The following PPAN variants were observed in gnomAD, a reference collection of about 807,000 sequenced individuals.
PPAN encodes the protein suppressor of SWI4 1 homolog.
PPAN carries 39 observed loss-of-function variants against 48.5 expected under a neutral mutation model. The ratio of observed to expected loss-of-function variants is 0.80; its 90% CI spans 0.62 to 1.05. The LOEUF (loss-of-function observed/expected upper bound fraction) is 1.05, where lower values mean the gene tolerates loss of function less well. Among genes scored for constraint, PPAN ranks in the 50% least tolerant of loss-of-function variants. PPAN has a pLI of 0.00. For missense variants in PPAN, 736 were observed against 661.7 expected, an observed-to-expected ratio of 1.11 and a Z score of -1.23; for synonymous variants, 315 against 268.6, an observed-to-expected ratio of 1.17 and a Z score of -1.69.
In PPAN at chr19:10,110,646, G is replaced by GT; in HGVS notation, c.1031+32_1031+33insT. On this transcript the variant is annotated intron_variant, in intron 10 of 11. Transcript: ENST00000253107. This position sits in a 1 kb window ranked among gnomAD's most constrained non-coding sequence, Gnocchi z 5.9. Reference sequence around the variant, plus strand: ...GCAGAGCTGGGAAGGGCAGGGCCAAGGGGGGGTCCCTGGGATGGGCGGCTA... The same window carrying GT: ...GCAGAGCTGGGAAGGGCAGGGCCAAGTGGGGGGTCCCTGGGATGGGCGGCTA... 6.2e-7 allele frequency: 1 copy of GT among 1,609,912 alleles called. No homozygotes were observed. The highest frequency in any genetic ancestry group is 8.5e-7 in the Non-Finnish European group (1 of 1,178,346).
Position 10,110,326 on chromosome 19 carries a change from C to A in PPAN, c.825C>A (p.Ile275=), listed in dbSNP as rs760050931. ...AQQSAVRLTE[I]GPRMTLQLIK... is the part of the protein sequence containing the mutation. The stretch of plus-strand genomic sequence containing the variant: ...ACGCTTCTTCCTCGTCCCCTCAGAT[C>A]GGCCCGCGGATGACACTGCAGCTCA... Residue 275 remains isoleucine, a splice_region_variant and synonymous_variant, in exon 9 of 12, where the codon ATC becomes ATA. Coordinates refer to ENST00000253107, the MANE Select transcript of PPAN (RefSeq NM_020230.7). This position sits in a 1 kb window ranked among gnomAD's most constrained non-coding sequence, Gnocchi z 5.9. The A allele has an allele frequency of 6.2e-7, 1 of 1,613,706 alleles. No homozygotes were observed. The highest frequency in any genetic ancestry group is 2.2e-5 in the East Asian group (1 of 44,868).
chr19:10,109,138 A>G (rs1215093552), intron 5 of PPAN, among the ~76,000 whole-genome samples: 1 of 151,248 alleles, frequency 6.6e-6, no homozygotes, highest in Non-Finnish European at 1.5e-5. Context: ...AATTTTTTGT[A>G]TTTTTAGTAG....
In PPAN at chr19:10,109,611, C is replaced by T. The variant is rs1467554244; in HGVS notation, c.514-20C>T. The T allele has an allele frequency of 6.2e-7, 1 of 1,608,798 alleles. No individual in the cohort carries two copies. On this transcript the variant is annotated intron_variant, in intron 5 of 11. Coordinates refer to ENST00000253107, the MANE Select transcript of PPAN (RefSeq NM_020230.7). Reference sequence around the variant, plus strand: ...TTTGCCATGAGTCTACTGGACTATGCTCTCTTCCTCCCCTTCCAGGTGAAC... The same window carrying T: ...TTTGCCATGAGTCTACTGGACTATGTTCTCTTCCTCCCCTTCCAGGTGAAC...
chr19:10,106,706 C>T (rs2088839649), intron 2 of PPAN, 35 bp downstream of exon 2: 3 of 1,503,610 alleles, frequency 2.0e-6, no homozygotes, highest in African/African-American at 1.4e-5. Context: ...CTCCACCCAC[C>T]CTCGGCCTAG....
At chr19:10,107,642 C>T (rs181000109) in intron 3 of PPAN, 36 bp downstream of exon 3, 5 of 1,605,382 alleles carry the variant, frequency 3.1e-6, no homozygotes, top group Admixed American at 1.7e-5. Context: ...CTCCCCCAGA[C>T]CCCCCCTTCC....
intron 5 of PPAN, among the ~76,000 whole-genome samples, chr19:10,109,004 C>T (rs2088944273): frequency 6.6e-6 from 1 of 150,990 alleles, no homozygotes; most frequent in South Asian, 2.1e-4. Flanking sequence ...CTCTGTCTCC[C>T]AGGCTGGAGT....
rs752957052 is a variant in PPAN, at chr19:10,110,703, G to A, written c.1038G>A (p.Lys346=). 2.5e-6 allele frequency: 4 copies of A among 1,613,562 alleles called. No homozygotes were observed. Among genetic ancestry groups the A allele is most frequent in the Middle Eastern group, 1.7e-4 (1 of 6,060 alleles). ...CCCCCACGCCCTCCTCCAGAAAGAA[G>A]AGCCTGGAGGGCATGAAGAAGGCAC... ...KQEQREAHRK[K]SLEGMKKARV... is the part of the protein sequence containing the mutation. The change falls in exon 11 of 12, where the codon AAG becomes AAA. Residue 346 remains lysine, a synonymous_variant. Transcript: ENST00000253107. The surrounding 1 kb of genome is among the most constrained non-coding windows in gnomAD (Gnocchi z 5.9).
rs1272064711 is a variant in PPAN, at chr19:10,111,144, C to A, written c.1401C>A (p.Arg467=). Residue 467 remains arginine, a synonymous_variant, in exon 12 of 12, where the codon CGC becomes CGA. Transcript: ENST00000253107. Reference sequence around the variant, plus strand: ...GTGGGCGAGGCCGGGGCCGGGGCCGCCCAGGGAAGAGAGTGGCCTGAGCCC... The same window carrying A: ...GTGGGCGAGGCCGGGGCCGGGGCCGACCAGGGAAGAGAGTGGCCTGAGCCC... ...RDGGRGRGRG[R]PGKRVA 1.3e-6 allele frequency: 2 copies of A among 1,599,400 alleles called. No homozygotes were observed. The highest frequency in any genetic ancestry group is 8.5e-7 in the Non-Finnish European group (1 of 1,174,380).
Position 10,106,504 on chromosome 19 carries a change from C to T in PPAN, c.22C>T (p.Arg8Trp), listed in dbSNP as rs1175651553. 2 of 1,550,996 alleles carry T rather than the reference C, an allele frequency of 1.3e-6. No homozygotes were observed. The highest frequency in any genetic ancestry group is 1.7e-6 in the Non-Finnish European group (2 of 1,147,082). MGQSGRS[R>W]HQKRARAQAQ... is the part of the protein sequence containing the mutation. ...CCTTTGTCTCTCGTCGCCGCAGTCC[C>T]GGCACCAGAAGCGCGCCCGCGCCCA... is the stretch of plus-strand genomic sequence containing the variant. Residue 8 changes from arginine (R) to tryptophan (W), a missense_variant, in exon 2 of 12, where the codon CGG (arginine) becomes TGG (tryptophan). Arg to Trp is a moderately radical substitution (Grantham distance 101). Coordinates refer to ENST00000253107, the MANE Select transcript of PPAN (RefSeq NM_020230.7).
chr19:10,106,894 C>G (rs2088850906), intron 2 of PPAN: 1 of 745,862 alleles, frequency 1.3e-6, no homozygotes, highest in Admixed American at 2.7e-5. Flanking sequence ...ACAGTTAAGA[C>G]TGGAATCTGG....
chr19:10,109,571 C>T (rs925528264), intron 5 of PPAN, 60 bp from the exon 6 acceptor site: 1 of 1,534,906 alleles, frequency 6.5e-7, no homozygotes, highest in Non-Finnish European at 8.9e-7. Context: ...CCCCAAAGCC[C>T]CCACTTCCCC....
chr19:10,110,927 C>T lies in PPAN; in HGVS notation c.1202-18C>T. The T allele has an allele frequency of 2.5e-6, 4 of 1,613,242 alleles. No homozygotes were observed. The highest frequency in any genetic ancestry group is 3.4e-6 in the Non-Finnish European group (4 of 1,179,832). On this transcript the variant is annotated intron_variant, in intron 11 of 11. Transcript: ENST00000253107. This position sits in a 1 kb window ranked among gnomAD's most constrained non-coding sequence, Gnocchi z 5.9. ...CTGTCCTTGTCTCTGGGGGCCCTGA[C>T]ACTGTCTCTCCCCACAGACCTGTTC...
At chr19:10,106,820 C>A in intron 2 of PPAN, 149 bp downstream of exon 2, 1 of 1,303,410 alleles carries the variant, frequency 7.7e-7, no homozygotes, top group Non-Finnish European at 1.0e-6. Context: ...TTCTGCCTTT[C>A]AGGGCTTTTG....
At chr19:10,108,532 T>G (rs1441308018) in intron 5 of PPAN, among the ~76,000 whole-genome samples, 2 of 152,072 alleles carry the variant, frequency 1.3e-5, no homozygotes, top group Non-Finnish European at 2.9e-5. Flanking sequence ...GAGGATCGCT[T>G]GAAGCCAAGA....
At chr19:10,109,516 C>G in intron 5 of PPAN, 115 bp from the exon 6 acceptor site, 1 of 1,241,082 alleles carries the variant, frequency 8.1e-7, no homozygotes, top group Non-Finnish European at 1.1e-6. Flanking sequence ...GAGCTGGAAG[C>G]AGCATTTCTA....
chr19:10,109,603 G>C, intron 5 of PPAN, 28 bp from the exon 6 acceptor site: 1 of 1,604,886 alleles, frequency 6.2e-7, no homozygotes, highest in Non-Finnish European at 8.5e-7. Flanking sequence ...TGAGTCTACT[G>C]GACTATGCTC....
intron 5 of PPAN, 63 bp from the exon 6 acceptor site, chr19:10,109,568 G>GC (rs1224701041): frequency 6.6e-7 from 1 of 1,520,092 alleles, no homozygotes; most frequent in Non-Finnish European, 9.0e-7. Flanking sequence ...ATCCCCCAAA[G>GC]CCCCCACTTC....
At position 10,106,585 on chromosome 19, in the gene PPAN, A is replaced by C. The variant is rs1277048379; in HGVS notation, c.103A>C (p.Thr35Pro). ...YAANPHSFVF[T>P]RGCTGRNIRQ... ...CGCGAACCCGCACTCGTTCGTGTTC[A>C]CGCGAGGCTGCACGGGTCGCAACAT... Residue 35 changes from threonine to proline, a missense_variant, in exon 2 of 12, where the codon ACG becomes CCG. Physicochemically the swap from Thr to Pro is conservative, Grantham distance 38 (BLOSUM62 -1). Coordinates refer to ENST00000253107, the MANE Select transcript of PPAN (RefSeq NM_020230.7). The C allele has an allele frequency of 6.4e-7, 1 of 1,552,388 alleles. No homozygotes were observed. Among genetic ancestry groups the C allele is most frequent in the Non-Finnish European group, 8.7e-7 (1 of 1,148,866 alleles).
chr19:10,109,851 C>T (rs939961644), intron 6 of PPAN, 62 bp from the exon 7 acceptor site: 1 of 1,602,286 alleles, frequency 6.2e-7, no homozygotes, highest in Non-Finnish European at 8.5e-7. Flanking sequence ...GTGAGATGGG[C>T]ACCGCCAGCC....
Sources: allele counts gnomAD v4.1 joint callset (sites outside exome capture counted in the v4.1 genomes callset), GRCh38; gene constraint gnomAD v4.1.1; non-coding constraint Gnocchi (gnomAD v3.1); transcripts MANE v1.5; gene names NCBI Gene and HGNC (gene_info 2026-07-23, HGNC 2026-07-21).